Variants in FARP1 observed in about 807,000 individuals in gnomAD.
FARP1 encodes the protein FERM, ARH/RhoGEF and pleckstrin domain protein 1.
Under a neutral mutation model 128.8 loss-of-function variants are expected in FARP1, and 52 were observed. The ratio of observed to expected loss-of-function variants is 0.40; its 90% CI spans 0.32 to 0.51. The LOEUF is 0.51. FARP1 is among the 20% of genes least tolerant of loss of function. The pLI is 0.45. For missense variants in FARP1, 1,333 were observed against 1,367.9 expected (o/e 0.97, Z 0.40); for synonymous variants, 580 against 551.8 (o/e 1.05, Z -0.72).
chr13:98,178,000 A>G (rs1878220380), intron 1 of FARP1: 3 of 152,188 alleles, frequency 2.0e-5, no homozygotes, highest in Admixed American at 2.0e-4. Context: ...CTTTTAATAT[A>G]GCCTTTATTA....
In FARP1 at chr13:98,294,281, C is replaced by T. The variant is rs141150138; in HGVS notation, c.172-49481C>T. Among the ~76,000 whole-genome samples the T allele has an allele frequency of 1.3e-3, 202 of 152,244 alleles. 1 individual carries two copies. The highest frequency in any genetic ancestry group is 2.6e-3 in the Non-Finnish European group (180 of 68,018). ...AGAAACTCATTTGCAAAGCCACTAA[C>T]TCAAGGAGGGCAGGTTATGGGATGC... On this transcript the variant is annotated intron_variant, in intron 2 of 26. Transcript: ENST00000319562.
chr13:98,254,379 A>G (rs1054846681), intron 2 of FARP1, among the ~76,000 whole-genome samples: 1 of 152,204 alleles, frequency 6.6e-6, no homozygotes, highest in Admixed American at 6.5e-5. Flanking sequence ...GTGGATGAGA[A>G]TAGTATCTCT....
At chr13:98,284,253 T>C (rs1885066128) in intron 2 of FARP1, among the ~76,000 whole-genome samples, 1 of 152,196 alleles carries the variant, frequency 6.6e-6, no homozygotes, top group Non-Finnish European at 1.5e-5. Flanking sequence ...CAATTCTTCC[T>C]CTTCTTCCAG....
At chr13:98,158,799 G>A (rs1476993678) in intron 1 of FARP1, among the ~76,000 whole-genome samples, 4 of 152,162 alleles carry the variant, frequency 2.6e-5, no homozygotes, top group African/African-American at 9.7e-5. Context: ...TTCACTGTTA[G>A]GAAAGAAAAT....
In FARP1 at chr13:98,431,162, C is replaced by T. The variant is rs933460598; in HGVS notation, c.2025C>T (p.Tyr675=). Residue 675 remains tyrosine, a synonymous_variant, in exon 18 of 27, where the codon TAC becomes TAT. Coordinates refer to ENST00000319562, the MANE Select transcript of FARP1 (RefSeq NM_005766.4). Reference sequence around the variant, plus strand: ...ACTTTGAGCTGCAGAAGGTGTGTTACCTACCGCTCAACACCTTCCTCCTGC... The same window carrying T: ...ACTTTGAGCTGCAGAAGGTGTGTTATCTACCGCTCAACACCTTCCTCCTGC... ...CRDFELQKVC[Y]LPLNTFLLRP... is the part of the protein sequence containing the mutation. The T allele has an allele frequency of 3.7e-6, 6 of 1,613,848 alleles. No individual in the cohort carries two copies. The African/African-American group carries it at 4.0e-5, about 11-fold the overall frequency.
intron 13 of FARP1, chr13:98,404,476 A>C (rs1396763855): frequency 6.6e-6 from 1 of 152,182 alleles, no homozygotes; most frequent in Non-Finnish European, 1.5e-5. Context: ...ATTCAGCATA[A>C]TACTGCCCTT....
At chr13:98,174,846 A>C (rs957008720) in intron 1 of FARP1, among the ~76,000 whole-genome samples, 1 of 152,194 alleles carries the variant, frequency 6.6e-6, no homozygotes, top group Non-Finnish European at 1.5e-5. Flanking sequence ...AGGCACAGAG[A>C]GGTAAAGTAA....
intron 3 of FARP1, among the ~76,000 whole-genome samples, chr13:98,361,622 TC>T (rs1435757035): frequency 6.6e-6 from 1 of 152,046 alleles, no homozygotes; most frequent in East Asian, 1.9e-4. Context: ...TTTGGAAACT[TC>T]TCCACTCTCC....
intron 26 of FARP1, 24 bp from the exon 27 acceptor site, chr13:98,448,208 TTGAC>T (rs759761724): frequency 1.9e-6 from 3 of 1,601,062 alleles, no homozygotes; most frequent in Non-Finnish European, 2.6e-6. Flanking sequence ...AAACAAAAGG[TTGAC>T]TAACTGGCGT....
chr13:98,351,372 C>T (rs911790401), intron 3 of FARP1, among the ~76,000 whole-genome samples: 4 of 152,038 alleles, frequency 2.6e-5, no homozygotes, highest in African/African-American at 4.8e-5. Context: ...CAGCACTTTG[C>T]GAGGCCGAGG....
chr13:98,415,441 ATGAATGAG>A (rs1221621033), intron 16 of FARP1, among the ~76,000 whole-genome samples: 2 of 112,030 alleles, frequency 1.8e-5, no homozygotes, highest in African/African-American at 8.4e-5. Context: ...ATATTAATGA[ATGAATGAG>A]TGAATGAATG....
In FARP1 at chr13:98,378,003, A is replaced by C. The variant is rs1889666932; in HGVS notation, c.496+85A>C. ...TGGGAAAAAAATCACATCCACCAAA[A>C]AAGAAAGTGTCAATGTTTTTGTGTT... On this transcript the variant is annotated intron_variant, in intron 6 of 26. Coordinates refer to ENST00000319562, the MANE Select transcript of FARP1 (RefSeq NM_005766.4). 8.9e-6 allele frequency: 9 copies of C among 1,015,308 alleles called. No homozygotes were observed. The South Asian group carries it at 1.2e-4, about 14-fold the overall frequency. The allele number at this position is 1,015,308 out of a possible 1,614,324, so 62.9% of individuals were successfully genotyped here. A position where few individuals can be genotyped will look rare whatever the true frequency, so the allele number is the denominator to read the frequency against.
chr13:98,435,916 C>G (rs1224142935), intron 19 of FARP1: 1 of 663,414 alleles, frequency 1.5e-6, no homozygotes, highest in Non-Finnish European at 2.8e-6. Flanking sequence ...ACCTCATATT[C>G]TGCTTTTTCT....
intron 5 of FARP1, among the ~76,000 whole-genome samples, chr13:98,374,957 C>G (rs1889516925): frequency 6.6e-6 from 1 of 152,122 alleles, no homozygotes; most frequent in Non-Finnish European, 1.5e-5. Flanking sequence ...ACTCACTCAC[C>G]CCCAAGGGAG....
intron 1 of FARP1, chr13:98,177,195 T>C: frequency 6.3e-7 from 1 of 1,580,100 alleles, no homozygotes; most frequent in Non-Finnish European, 8.6e-7. Context: ...ATACCTGGTC[T>C]GCTTGGTCGG....
intron 1 of FARP1, among the ~76,000 whole-genome samples, chr13:98,191,302 T>G (rs1879214217): frequency 6.6e-6 from 1 of 152,184 alleles, no homozygotes; most frequent in Non-Finnish European, 1.5e-5. Flanking sequence ...AAACGAGCAC[T>G]GGGGATGTTG....
chr13:98,307,859 A>G (rs2390038), intron 2 of FARP1, among the ~76,000 whole-genome samples: 68,267 of 151,724 alleles, frequency 0.45, 15,726 homozygotes, highest in East Asian at 0.59. Flanking sequence ...TGGAAAAAAA[A>G]CTATCAGTGA....
intron 2 of FARP1, among the ~76,000 whole-genome samples, chr13:98,215,680 G>A (rs1346639476): frequency 1.3e-5 from 2 of 152,178 alleles, no homozygotes; most frequent in African/African-American, 4.8e-5. Flanking sequence ...CTGGCATATA[G>A]TAGCTGCTAA....
chr13:98,227,334 T>C (rs1881854346), intron 2 of FARP1, among the ~76,000 whole-genome samples: 1 of 152,190 alleles, frequency 6.6e-6, no homozygotes, highest in African/African-American at 2.4e-5. Context: ...TTCACCATTA[T>C]CCTAGCATTC....
Sources: allele counts gnomAD v4.1 joint callset (sites outside exome capture counted in the v4.1 genomes callset), GRCh38; gene constraint gnomAD v4.1.1; transcripts MANE v1.5; gene names NCBI Gene and HGNC (gene_info 2026-07-23, HGNC 2026-07-21).